The following TMEM132D variants were observed in gnomAD, a reference collection of about 807,000 sequenced individuals.
TMEM132D encodes mature OL transmembrane protein.
TMEM132D carries 21 observed loss-of-function variants against 62.3 expected under a neutral mutation model. The observed-to-expected ratio is 0.34, with a 90% CI of 0.24 to 0.49. The LOEUF is 0.49. TMEM132D is among the 20% of genes least tolerant of loss of function. The pLI is 0.99. For missense variants in TMEM132D, 1,346 were observed against 1,402.8 expected (o/e 0.96, Z 0.65); for synonymous variants, 621 against 575.6 (o/e 1.08, Z -1.13).
At chr12:129,552,708 T>C (rs1364494136) in intron 2 of TMEM132D, among the ~76,000 whole-genome samples, 1 of 152,160 alleles carries the variant, frequency 6.6e-6, no homozygotes, top group Non-Finnish European at 1.5e-5. Context: ...TTACATCCAT[T>C]ACCTATTATC....
intron 3 of TMEM132D, among the ~76,000 whole-genome samples, chr12:129,468,342 A>T (rs929348856): frequency 6.6e-6 from 1 of 152,280 alleles, no homozygotes; most frequent in East Asian, 1.9e-4. Context: ...GCACTGTGAC[A>T]AATGGAGACA....
intron 4 of TMEM132D, among the ~76,000 whole-genome samples, chr12:129,294,690 A>G (rs963138029): frequency 3.3e-5 from 5 of 152,178 alleles, no homozygotes; most frequent in Non-Finnish European, 7.3e-5. Flanking sequence ...TATTTCCAAG[A>G]TACCAGGAAC....
intron 2 of TMEM132D, among the ~76,000 whole-genome samples, chr12:129,575,158 G>T (rs1321321629): frequency 6.6e-6 from 1 of 151,716 alleles, no homozygotes; most frequent in East Asian, 1.9e-4. Context: ...ATGATTTTCC[G>T]AGCGTTCTCT....
intron 2 of TMEM132D, among the ~76,000 whole-genome samples, chr12:129,583,780 C>T (rs1237122318): frequency 3.9e-5 from 6 of 152,158 alleles, no homozygotes; most frequent in Non-Finnish European, 8.8e-5. Flanking sequence ...CACCCAAGTG[C>T]AGAATCGGGA....
chr12:129,663,201 G>A (rs963733295), intron 2 of TMEM132D, among the ~76,000 whole-genome samples: 5 of 151,904 alleles, frequency 3.3e-5, no homozygotes, highest in Admixed American at 1.3e-4. Context: ...GCAATGGCAC[G>A]ATCTTGGCTC....
intron 3 of TMEM132D, among the ~76,000 whole-genome samples, chr12:129,454,270 G>A (rs564795401): frequency 2.9e-4 from 44 of 152,322 alleles, no homozygotes; most frequent in African/African-American, 9.6e-4. Flanking sequence ...TTCAGATTTA[G>A]AGGTCTTGGT....
At chr12:129,698,293 C>T (rs1276302185) in intron 2 of TMEM132D, 1 of 151,738 alleles carries the variant, frequency 6.6e-6, no homozygotes, top group East Asian at 2.0e-4. Flanking sequence ...CCCTAAATCC[C>T]TGCGGCTATT....
At chr12:129,150,335 C>T (rs944983080) in intron 5 of TMEM132D, among the ~76,000 whole-genome samples, 7 of 152,110 alleles carry the variant, frequency 4.6e-5, no homozygotes, top group East Asian at 3.9e-4. Flanking sequence ...ACGACAATGC[C>T]GACGGCCAAC....
intron 3 of TMEM132D, among the ~76,000 whole-genome samples, chr12:129,378,980 C>A (rs1029892042): frequency 6.6e-6 from 1 of 152,156 alleles, no homozygotes; most frequent in South Asian, 2.1e-4. Context: ...GGGGGGGACA[C>A]TTAATCAGAG....
chr12:129,074,143 C>T lies in TMEM132D; in HGVS notation c.3032G>A (p.Ser1011Asn), dbSNP rs1276953925. 6.2e-7 allele frequency: 1 copy of T among 1,614,022 alleles called. No individual in the cohort carries two copies. The highest frequency in any genetic ancestry group is 8.5e-7 in the Non-Finnish European group (1 of 1,180,010). The part of the protein sequence containing the change: ...KYLLSTNSQK[S>N]INGQLFKPLG... ...AGGTTTGAACAGCTGCCCATTGATG[C>T]TTTTTTGGGAGTTTGTGCTGAGGAG... Residue 1011 changes from serine to asparagine, a missense_variant, in exon 9 of 9, where the codon AGC becomes AAC. Physicochemically the swap from Ser to Asn is conservative, Grantham distance 46. Coordinates refer to ENST00000422113, the MANE Select transcript of TMEM132D (RefSeq NM_133448.3).
chr12:129,236,627 G>C (rs1030236521), intron 4 of TMEM132D, among the ~76,000 whole-genome samples: 2 of 151,086 alleles, frequency 1.3e-5, no homozygotes, highest in South Asian at 4.2e-4. Context: ...GCAGTTTTTC[G>C]TGGCGTCTTT....
At chr12:129,788,442 G>C (rs1429438587) in intron 1 of TMEM132D, among the ~76,000 whole-genome samples, 1 of 152,194 alleles carries the variant, frequency 6.6e-6, no homozygotes, top group Admixed American at 6.5e-5. Flanking sequence ...ATGACCCTCT[G>C]ATCTCCACTT....
At chr12:129,890,009 C>T (rs1052895364) in intron 1 of TMEM132D, among the ~76,000 whole-genome samples, 17 of 152,234 alleles carry the variant, frequency 1.1e-4, no homozygotes, top group Admixed American at 7.2e-4. Context: ...GATATTCTAA[C>T]GTGGCTTTTT....
intron 3 of TMEM132D, among the ~76,000 whole-genome samples, chr12:129,437,211 CTCTT>C (rs1408386436): frequency 2.0e-5 from 3 of 152,054 alleles, no homozygotes; most frequent in African/African-American, 7.2e-5. Flanking sequence ...GGGAGATGCC[CTCTT>C]TCTGCCAGTT....
chr12:129,480,490 T>C (rs1566083461), intron 3 of TMEM132D, among the ~76,000 whole-genome samples: 1 of 152,058 alleles, frequency 6.6e-6, no homozygotes, highest in Admixed American at 6.5e-5. Context: ...TCCGGGTGAG[T>C]GATGCTCTGT....
intron 2 of TMEM132D, among the ~76,000 whole-genome samples, chr12:129,684,719 A>G (rs1880865214): frequency 6.6e-6 from 1 of 152,026 alleles, no homozygotes; most frequent in African/African-American, 2.4e-5. Context: ...ATATGTGGAA[A>G]AGTTTGGAAC....
intron 3 of TMEM132D, among the ~76,000 whole-genome samples, chr12:129,396,123 CT>C (rs1243617640): frequency 6.6e-6 from 1 of 150,426 alleles, no homozygotes; most frequent in East Asian, 1.9e-4. Flanking sequence ...ATGAATAAAT[CT>C]CAAAACCAAA....
chr12:129,109,234 G>A (rs1409329905), intron 5 of TMEM132D, among the ~76,000 whole-genome samples: 1 of 152,164 alleles, frequency 6.6e-6, no homozygotes, highest in Non-Finnish European at 1.5e-5. Flanking sequence ...TAAAGGTGAG[G>A]CATTGCTAGG....
At chr12:129,797,698 G>A (rs181509687) in intron 1 of TMEM132D, among the ~76,000 whole-genome samples, 1 of 152,142 alleles carries the variant, frequency 6.6e-6, no homozygotes, top group African/African-American at 2.4e-5. Flanking sequence ...TGTGCCTGGG[G>A]GCTTCATCAC....
Sources: gnomAD v4.1 joint callset for allele counts (sites outside exome capture counted in the v4.1 genomes callset) on GRCh38, gnomAD v4.1.1 for gene constraint, MANE v1.5 for transcripts, NCBI Gene and HGNC (gene_info 2026-07-23, HGNC 2026-07-21) for gene names.